CCDC178: variants seen among roughly 807,000 people sequenced by gnomAD.
CCDC178 encodes coiled-coil domain-containing protein 178.
Under a neutral mutation model 117.4 loss-of-function variants are expected in CCDC178, and 126 were observed. The ratio of observed to expected loss-of-function variants is 1.07; its 90% CI spans 0.93 to 1.24. The LOEUF (loss-of-function observed/expected upper bound fraction) is 1.24, where lower values mean the gene tolerates loss of function less well. Ranked by LOEUF, CCDC178 falls within the 50% of genes most tolerant of loss-of-function variation. The pLI, the probability that CCDC178 is intolerant of heterozygous loss-of-function variation, is 0.00. For synonymous variants in CCDC178, 283 were observed against 313.4 expected (o/e 0.90, Z 1.02); for missense variants, 1,030 against 986.9 (o/e 1.04, Z -0.59).
chr18:33,062,316 G>C (rs926227599), intron 21 of CCDC178, among the ~76,000 whole-genome samples: 3 of 152,164 alleles, frequency 2.0e-5, no homozygotes. Flanking sequence ...GAAGTCCAGA[G>C]AAAAAAATTG....
intron 15 of CCDC178, among the ~76,000 whole-genome samples, chr18:33,227,554 GTGTA>G (rs1227614894): frequency 5.8e-4 from 43 of 74,346 alleles, no homozygotes; most frequent in South Asian, 2.2e-3. Context: ...GTGTGTGTGT[GTGTA>G]TATATATATA....
chr18:33,360,923 C>A (rs2063116328), intron 6 of CCDC178, among the ~76,000 whole-genome samples: 1 of 151,330 alleles, frequency 6.6e-6, no homozygotes, highest in Admixed American at 6.6e-5. Flanking sequence ...GTACTCTAAG[C>A]AATATATAGA....
chr18:33,321,662 C>A (rs1320660721), intron 11 of CCDC178, among the ~76,000 whole-genome samples: 1 of 151,436 alleles, frequency 6.6e-6, no homozygotes, highest in South Asian at 2.1e-4. Flanking sequence ...AATAGGATTT[C>A]CTACTAAAAG....
At chr18:33,027,455 G>A (rs1276805558) in intron 21 of CCDC178, among the ~76,000 whole-genome samples, 1 of 151,524 alleles carries the variant, frequency 6.6e-6, no homozygotes, top group African/African-American at 2.4e-5. Context: ...TAAAAATAGT[G>A]AGACTTGATT....
chr18:33,423,597 C>A (rs1270203501), intron 2 of CCDC178, among the ~76,000 whole-genome samples: 1 of 152,052 alleles, frequency 6.6e-6, no homozygotes, highest in Admixed American at 6.5e-5. Flanking sequence ...ACTAGAGTAT[C>A]TCTAGGGCAG....
chr18:33,215,524 T>C (rs1599010636), intron 19 of CCDC178, 26 bp downstream of exon 19: 2 of 1,157,616 alleles, frequency 1.7e-6, no homozygotes, highest in South Asian at 1.8e-5. Context: ...AAAAACTTCA[T>C]ATTTTGATAA....
At chr18:33,112,556 A>T (rs961691802) in intron 20 of CCDC178, among the ~76,000 whole-genome samples, 2 of 152,010 alleles carry the variant, frequency 1.3e-5, no homozygotes, top group East Asian at 1.9e-4. Flanking sequence ...CTGCTGATAG[A>T]ATTTCAAAGA....
At position 33,222,986 on chromosome 18, in the gene CCDC178, G is replaced by A. The variant is rs1324361735; in HGVS notation, c.1932+120C>T. ...AGTGTGTGCGCTTTTATCCCTAGTC[G>A]ATTTAGTGCAATCAATAAGAAATGA... On this transcript the variant is annotated intron_variant, in intron 18 of 22. Transcript: ENST00000383096. 10 of 694,768 alleles carry A rather than the reference G, an allele frequency of 1.4e-5. 1 individual carries two copies. Among genetic ancestry groups the A allele is most frequent in the South Asian group, 1.2e-4 (6 of 50,504 alleles). The allele number at this position is 694,768 out of a possible 1,614,324, so 43.0% of individuals were successfully genotyped here.
chr18:33,326,578 A>G (rs1295445327), intron 10 of CCDC178, among the ~76,000 whole-genome samples: 1 of 152,086 alleles, frequency 6.6e-6, no homozygotes, highest in Non-Finnish European at 1.5e-5. Flanking sequence ...CTTAATTTAT[A>G]TTTTGGCTAT....
intron 11 of CCDC178, among the ~76,000 whole-genome samples, chr18:33,293,846 T>C (rs2062070196): frequency 6.6e-6 from 1 of 152,130 alleles, no homozygotes; most frequent in Admixed American, 6.6e-5. Context: ...GAAAACATAA[T>C]TGAGAGAAAA....
chr18:33,241,963 C>T (rs866557146), intron 15 of CCDC178, among the ~76,000 whole-genome samples: 1 of 151,672 alleles, frequency 6.6e-6, no homozygotes, highest in Non-Finnish European at 1.5e-5. Flanking sequence ...ATTACCAAAG[C>T]ATTCCTAGCA....
chr18:33,188,455 C>T (rs1415011034), intron 20 of CCDC178, among the ~76,000 whole-genome samples: 3 of 152,028 alleles, frequency 2.0e-5, no homozygotes, highest in South Asian at 2.1e-4. Flanking sequence ...CACATGAGAC[C>T]TTAAAAGCAG....
intron 11 of CCDC178, among the ~76,000 whole-genome samples, chr18:33,306,465 TATATATGGTTATATATA>T (rs1414264269): frequency 6.9e-6 from 1 of 143,914 alleles, no homozygotes; most frequent in African/African-American, 2.5e-5. Context: ...TGGTTATATA[TATATATGGTTATATATA>T]ATATATGGTT....
chr18:33,272,516 T>C (rs1473043409), intron 12 of CCDC178, among the ~76,000 whole-genome samples: 1 of 151,480 alleles, frequency 6.6e-6, no homozygotes, highest in Non-Finnish European at 1.5e-5. Flanking sequence ...TTCCAAAAAA[T>C]AGAAAAGAAA....
chr18:33,181,743 G>A (rs898298804), intron 20 of CCDC178, among the ~76,000 whole-genome samples: 5 of 151,788 alleles, frequency 3.3e-5, no homozygotes, highest in Non-Finnish European at 7.4e-5. Flanking sequence ...TCTAAACTCT[G>A]ATTGAATTTA....
chr18:33,088,137 C>A (rs1166461214), intron 21 of CCDC178, among the ~76,000 whole-genome samples: 1 of 151,762 alleles, frequency 6.6e-6, no homozygotes, highest in African/African-American at 2.4e-5. Context: ...GAGATCACAA[C>A]CTTTAGCATG....
In CCDC178 at chr18:33,385,726, A is replaced by T. The variant is rs912599712; in HGVS notation, c.208+3814T>A. 2.4e-4 allele frequency among the ~76,000 whole-genome samples: 36 copies of T among 152,324 alleles called. 1 individual carries two copies. Among genetic ancestry groups the T allele is most frequent in the African/African-American group, 8.7e-4 (36 of 41,582 alleles). On this transcript the variant is annotated intron_variant, in intron 5 of 22. Transcript: ENST00000383096. ...ACAGCTAAAGCAGTGTTAAGTGGCA[A>T]ATTTATAGCACTAAATGCCCACATC... is the stretch of plus-strand genomic sequence containing the variant.
chr18:33,420,729 T>C (rs1032688353), intron 2 of CCDC178, among the ~76,000 whole-genome samples: 1 of 151,308 alleles, frequency 6.6e-6, no homozygotes, highest in Non-Finnish European at 1.5e-5. Context: ...AACACCAAAC[T>C]CCCGTAACAC....
In CCDC178 at chr18:33,210,352, TAC is replaced by T. The variant is rs1280801723; in HGVS notation, c.2238+1542_2238+1543del. ...ATGCTTCCAAGTGGCTGGGGGTGGG[TAC>T]AGTTGGGAGTAGAAAGGCAGGGACA... On this transcript the variant is annotated intron_variant, in intron 20 of 22. Transcript: ENST00000383096. Among the ~76,000 whole-genome samples, 6 of 151,962 alleles carry T rather than the reference TAC, an allele frequency of 3.9e-5. No homozygotes were observed. The East Asian group carries it at 1.2e-3, about 29-fold the overall frequency.
Sources: gnomAD v4.1 joint callset for allele counts (sites outside exome capture counted in the v4.1 genomes callset) on GRCh38, gnomAD v4.1.1 for gene constraint, MANE v1.5 for transcripts, NCBI Gene and HGNC (gene_info 2026-07-23, HGNC 2026-07-21) for gene names.